SEC23IP: variants seen among roughly 807,000 people sequenced by gnomAD.
The protein encoded by SEC23IP is SEC23 interacting protein.
SEC23IP carries 70 observed loss-of-function variants against 113.4 expected under a neutral mutation model. The ratio of observed to expected loss-of-function variants is 0.62; its 90% confidence interval spans 0.51 to 0.75. The LOEUF is 0.75. SEC23IP is among the 30% of genes least tolerant of loss of function. The pLI is 0.00. For missense variants in SEC23IP, 1,160 were observed against 1,204.9 expected (o/e 0.96, Z 0.55); for synonymous variants, 398 against 421.0 (o/e 0.95, Z 0.67).
chr10:119,906,678 C>A (rs528953831), intron 4 of SEC23IP, among the ~76,000 whole-genome samples: 1 of 152,006 alleles, frequency 6.6e-6, no homozygotes, highest in African/African-American at 2.4e-5. Flanking sequence ...TGGGTTCAAG[C>A]GATTCTCCTG....
intron 18 of SEC23IP, among the ~76,000 whole-genome samples, chr10:119,935,456 A>G (rs1451292683): frequency 1.3e-5 from 2 of 151,962 alleles, no homozygotes; most frequent in African/African-American, 2.4e-5. Context: ...GTGAGACTCT[A>G]TCTAAAAAAA....
At position 119,943,012 on chromosome 10, in the gene SEC23IP, T is replaced by G. The variant is rs1195877833; in HGVS notation, c.*2447T>G. ...AAATAGTAACTCACAGCATTTGGTC[T>G]CATGATAAGAGTACTGAAGATTATC... On this transcript the variant is annotated 3_prime_UTR_variant, in exon 19 of 19. Coordinates refer to ENST00000369075, the MANE Select transcript of SEC23IP (RefSeq NM_007190.4). 6.6e-6 allele frequency: 1 copy of G among 152,148 alleles called. No individual in the cohort carries two copies. Among genetic ancestry groups the G allele is most frequent in the Non-Finnish European group, 1.5e-5 (1 of 68,016 alleles). 9.4% of individuals were successfully genotyped at this position (152,148 alleles called of 1,614,324 possible).
chr10:119,932,395 C>A, intron 16 of SEC23IP, 77 bp downstream of exon 16: 1 of 1,109,428 alleles, frequency 9.0e-7, no homozygotes, highest in Non-Finnish European at 1.3e-6. Context: ...TATGATGATG[C>A]ATTTCCTTTC....
rs368006972 is a variant in SEC23IP, at chr10:119,909,034, A to C, written c.1102-7A>C. The C allele has an allele frequency of 6.4e-5, 102 of 1,588,850 alleles. No homozygotes were observed. The highest frequency in any genetic ancestry group is 7.8e-5 in the Non-Finnish European group (91 of 1,163,650). On this transcript the variant is annotated splice_polypyrimidine_tract_variant and splice_region_variant and intron_variant, in intron 4 of 18. Coordinates refer to ENST00000369075, the MANE Select transcript of SEC23IP (RefSeq NM_007190.4). ...TGTTGGAATATATGTTGTTTCCCCC[A>C]TTATAGGCTGAATATAAAAAAGCTG...
intron 7 of SEC23IP, 45 bp downstream of exon 7, chr10:119,914,864 A>G (rs1178357054): frequency 6.5e-6 from 10 of 1,538,622 alleles, no homozygotes; most frequent in Non-Finnish European, 9.0e-6. Context: ...TCTGAGAACT[A>G]ATAGAAGAGC....
rs1251036126 is a variant in SEC23IP, at chr10:119,942,073, A to G, written c.*1508A>G. The G allele has an allele frequency of 6.6e-6, 1 of 152,204 alleles. No homozygotes were observed. The highest frequency in any genetic ancestry group is 1.5e-5 in the Non-Finnish European group (1 of 68,044). The allele number at this position is 152,204 out of a possible 1,614,324, so 9.4% of individuals were successfully genotyped here. A position where few individuals can be genotyped will look rare whatever the true frequency, so the allele number is the denominator to read the frequency against. On this transcript the variant is annotated 3_prime_UTR_variant, in exon 19 of 19. Transcript: ENST00000369075. The stretch of plus-strand genomic sequence containing the variant: ...TAATTACTTTTCACTTAATTTCCCA[A>G]TACTGATGAAATAAAGAAAAATGAG...
intron 18 of SEC23IP, among the ~76,000 whole-genome samples, chr10:119,935,322 A>G (rs755575864): frequency 1.3e-5 from 2 of 152,068 alleles, no homozygotes; most frequent in African/African-American, 4.8e-5. Context: ...TTAGCCGGGC[A>G]TGGTAGTAGG....
chr10:119,933,300 A>T, intron 17 of SEC23IP, 133 bp downstream of exon 17: 1 of 811,114 alleles, frequency 1.2e-6, no homozygotes, highest in Non-Finnish European at 2.0e-6. Flanking sequence ...ATATGTTCAG[A>T]ATCGTTATTT....
chr10:119,895,277 G>A (rs888661996), intron 1 of SEC23IP, among the ~76,000 whole-genome samples: 2 of 152,108 alleles, frequency 1.3e-5, no homozygotes, highest in Non-Finnish European at 2.9e-5. Context: ...CCAGCTACTC[G>A]GGAGGCTGAG....
intron 12 of SEC23IP, among the ~76,000 whole-genome samples, chr10:119,922,798 A>G (rs1445590736): frequency 6.6e-6 from 1 of 152,160 alleles, no homozygotes; most frequent in Non-Finnish European, 1.5e-5. Context: ...TCGTTCTGTA[A>G]TTCCAATTTA....
chr10:119,903,035 T>C (rs767040094), intron 3 of SEC23IP, 26 bp downstream of exon 3: 6 of 1,548,828 alleles, frequency 3.9e-6, no homozygotes, highest in Non-Finnish European at 4.4e-6. Context: ...ACATCATTCA[T>C]ATCTGATTTT....
intron 11 of SEC23IP, among the ~76,000 whole-genome samples, chr10:119,920,227 C>G (rs1855205549): frequency 6.6e-6 from 1 of 152,146 alleles, no homozygotes; most frequent in African/African-American, 2.4e-5. Context: ...TTACCCTTTG[C>G]TTCATCAGTT....
rs1333376903 is a variant in SEC23IP, at chr10:119,943,027, T to C, written c.*2462T>C. 6.6e-6 allele frequency: 1 copy of C among 152,198 alleles called. No homozygotes were observed. Among genetic ancestry groups the C allele is most frequent in the African/African-American group, 2.4e-5 (1 of 41,452 alleles). The allele number at this position is 152,198 out of a possible 1,614,324, so 9.4% of individuals were successfully genotyped here. On this transcript the variant is annotated 3_prime_UTR_variant, in exon 19 of 19. Coordinates refer to ENST00000369075, the MANE Select transcript of SEC23IP (RefSeq NM_007190.4). ...GCATTTGGTCTCATGATAAGAGTAC[T>C]GAAGATTATCCCAGAAAACCTAGGA...
rs932824984 is a variant in SEC23IP, at chr10:119,920,993, C to T, written c.2121+9C>T. On this transcript the variant is annotated intron_variant, in intron 12 of 18. Coordinates refer to ENST00000369075, the MANE Select transcript of SEC23IP (RefSeq NM_007190.4). The stretch of plus-strand genomic sequence containing the variant: ...ATAAAGCAGCCAAACTGGTAAAGTT[C>T]ACCTCTGACTCAAGAAAAACTAAAA... 4.4e-6 allele frequency: 7 copies of T among 1,594,732 alleles called. No individual in the cohort carries two copies. Among genetic ancestry groups the T allele is most frequent in the Non-Finnish European group, 6.0e-6 (7 of 1,162,874 alleles).
At chr10:119,931,038 C>T (rs1431362442) in intron 15 of SEC23IP, among the ~76,000 whole-genome samples, 1 of 152,008 alleles carries the variant, frequency 6.6e-6, no homozygotes, top group Non-Finnish European at 1.5e-5. Context: ...AAATATTGAA[C>T]TCTTTTGAAG....
chr10:119,932,908 C>T (rs1056565642), intron 16 of SEC23IP, 97 bp from the exon 17 acceptor site: 89 of 1,049,146 alleles, frequency 8.5e-5, no homozygotes, highest in Admixed American at 1.9e-4. Context: ...TTGCTACATG[C>T]GTCAAGCAGT....
chr10:119,902,431 G>A (rs1180570739), intron 2 of SEC23IP, among the ~76,000 whole-genome samples: 1 of 152,156 alleles, frequency 6.6e-6, no homozygotes, highest in Non-Finnish European at 1.5e-5. Flanking sequence ...TTTGTGTTCT[G>A]TGAGAAGGTC....
Position 119,920,890 on chromosome 10 carries a change from T to A in SEC23IP, c.2027T>A (p.Leu676His), listed in dbSNP as rs1855232273. Reference sequence around the variant, plus strand: ...GTGCTTGTCTGTTTCCTTTTAAAGCTTATGTGTACAGTTGATGACCTGAAG... The same window carrying A: ...GTGCTTGTCTGTTTCCTTTTAAAGCATATGTGTACAGTTGATGACCTGAAG... ...EKEKIDMESL[L>H]MCTVDDLKEM... Residue 676 changes from leucine (L) to histidine (H), a missense_variant and splice_region_variant, in exon 12 of 19, where the codon CTT (leucine) becomes CAT (histidine). By Grantham distance (99) the Leu-to-His change is moderately conservative. Transcript: ENST00000369075. 6.2e-7 allele frequency: 1 copy of A among 1,600,200 alleles called. No homozygotes were observed. Among genetic ancestry groups the A allele is most frequent in the Non-Finnish European group, 8.6e-7 (1 of 1,168,746 alleles).
Position 119,919,610 on chromosome 10 carries a change from T to G in SEC23IP, c.2025+14T>G. Reference sequence around the variant, plus strand: ...ATGGAGTCCCTGGTACTGATCATAGTTTGCTTCATTTTGTTTGAAATTGTT... The same window carrying G: ...ATGGAGTCCCTGGTACTGATCATAGGTTGCTTCATTTTGTTTGAAATTGTT... On this transcript the variant is annotated intron_variant, in intron 11 of 18. Coordinates refer to ENST00000369075, the MANE Select transcript of SEC23IP (RefSeq NM_007190.4). 1 of 1,555,604 alleles carries G rather than the reference T, an allele frequency of 6.4e-7. No homozygotes were observed. The highest frequency in any genetic ancestry group is 8.6e-7 in the Non-Finnish European group (1 of 1,156,918).
Sources: allele counts gnomAD v4.1 joint callset (sites outside exome capture counted in the v4.1 genomes callset), GRCh38; gene constraint gnomAD v4.1.1; transcripts MANE v1.5; gene names NCBI Gene and HGNC (gene_info 2026-07-23, HGNC 2026-07-21).